MGA: variants seen among roughly 807,000 people sequenced by gnomAD.
MGA encodes the protein MAX dimerization protein MGA, also known as MAX gene-associated protein.
In MGA, 40 loss-of-function variants were observed where a neutral mutation model predicts 261.1. That is an observed-to-expected ratio of 0.15 (90% CI 0.12 to 0.20). MGA has a LOEUF of 0.20. MGA is among the 10% of genes least tolerant of loss of function. The pLI is 1.00. For missense variants in MGA, 3,397 were observed against 3,630.5 expected, an observed-to-expected ratio of 0.94 and a Z score of 1.65; for synonymous variants, 1,302 against 1,290.6, an observed-to-expected ratio of 1.01 and a Z score of -0.19.
rs1289551968 is a variant in MGA, at chr15:41,764,815, A to T, written c.7745-71A>T. On this transcript the variant is annotated intron_variant, in intron 22 of 23. Transcript: ENST00000219905. ...TGCCTCAGCCTCCCAAAGTGCTGGGATTACAGGCATGAGCCACCACACCCA... is the reference window on the plus strand; with the variant it reads ...TGCCTCAGCCTCCCAAAGTGCTGGGTTTACAGGCATGAGCCACCACACCCA... The T allele has an allele frequency of 3.3e-6, 5 of 1,495,452 alleles. No homozygotes were observed. In the East Asian group the frequency reaches 9.2e-5, roughly 27 times the overall value. 92.6% of individuals were successfully genotyped at this position (1,495,452 alleles called of 1,614,324 possible).
At chr15:41,720,766 G>C (rs1435766627) in intron 9 of MGA, among the ~76,000 whole-genome samples, 1 of 152,144 alleles carries the variant, frequency 6.6e-6, no homozygotes, top group Non-Finnish European at 1.5e-5. Flanking sequence ...CCGGGAAGCT[G>C]AGGTTGCAGT....
chr15:41,761,640 C>T, intron 20 of MGA, 99 bp from the exon 21 acceptor site: 1 of 607,628 alleles, frequency 1.6e-6, no homozygotes. Context: ...CTTAAGATGT[C>T]AGATTAAGTT....
chr15:41,707,661 A>G, intron 5 of MGA, 67 bp from the exon 6 acceptor site: 2 of 1,453,468 alleles, frequency 1.4e-6, no homozygotes, highest in Non-Finnish European at 1.9e-6. Context: ...ACAAGTTAAA[A>G]ACAAAGAAGG....
At chr15:41,658,171 T>C (rs1190633803), upstream of MGA, among the ~76,000 whole-genome samples, 2 of 152,164 alleles carry the variant, frequency 1.3e-5, no homozygotes, top group East Asian at 3.8e-4. Flanking sequence ...CCCCTTAATA[T>C]TCAGAAAAAT....
rs982827524 is a variant in MGA at position 41,769,154 on chromosome 15, T to G, written c.*1874T>G. ...GTACTTTAATCCAGGTATAGCAGTT[T>G]CCCGTTATTTTCTTGCTTGTCGTTC... is the stretch of plus-strand genomic sequence containing the variant. On this transcript the variant is annotated 3_prime_UTR_variant, in exon 24 of 24. Coordinates refer to ENST00000219905, the MANE Select transcript of MGA (RefSeq NM_001164273.2). The G allele has an allele frequency of 4.6e-5, 7 of 152,656 alleles. No homozygotes were observed. Among genetic ancestry groups the G allele is most frequent in the African/African-American group, 1.7e-4 (7 of 41,438 alleles). The allele number at this position is 152,656 out of a possible 1,614,324, so 9.5% of individuals were successfully genotyped here. A position where few individuals can be genotyped will look rare whatever the true frequency, so the allele number is the denominator to read the frequency against.
At chr15:41,627,052 G>A (rs1387281867) in intron 1 of MGA, among the ~76,000 whole-genome samples, 4 of 151,978 alleles carry the variant, frequency 2.6e-5, no homozygotes, top group African/African-American at 4.8e-5. Context: ...GATTACAGGC[G>A]TGCACCACCA....
At position 41,762,310 on chromosome 15, in the gene MGA, TAAC is replaced by T; in HGVS notation, c.7694_7696del (p.Asn2565del). On this transcript the variant is annotated inframe_deletion, in exon 22 of 24. Transcript: ENST00000219905. ...TAGATCTTGGACAGATGTTTATAAA[TAAC>T]AGGAGGGGGAAACCTTTGATTCTTT... 6.2e-7 allele frequency: 1 copy of T among 1,613,744 alleles called. No homozygotes were observed. The highest frequency in any genetic ancestry group is 8.5e-7 in the Non-Finnish European group (1 of 1,179,842).
chr15:41,638,036 T>C (rs1453404733), intron 1 of MGA, among the ~76,000 whole-genome samples: 2 of 126,128 alleles, frequency 1.6e-5, no homozygotes, highest in South Asian at 5.9e-4. Flanking sequence ...GCCCAGCTTT[T>C]TTTTTTTTTT....
In MGA at chr15:41,739,707, G is replaced by A. The variant is rs544341596; in HGVS notation, c.4435-346G>A. 1.6e-4 allele frequency among the ~76,000 whole-genome samples: 25 copies of A among 152,308 alleles called. 1 individual carries two copies. The South Asian group carries it at 5.2e-3, about 32-fold the overall frequency. The stretch of plus-strand genomic sequence containing the variant: ...CTACAATATGAAGGAGATGAGATTA[G>A]TTCAGAATATCAGTTGACAGCATTT... On this transcript the variant is annotated intron_variant, in intron 13 of 23. Transcript: ENST00000219905.
At chr15:41,635,406 A>AACAC (rs1040889576) in intron 1 of MGA, among the ~76,000 whole-genome samples, 12 of 79,430 alleles carry the variant, frequency 1.5e-4, no homozygotes, top group African/African-American at 3.0e-4. Flanking sequence ...ACCAAACACA[A>AACAC]ACACACACAC....
chr15:41,767,373 T>C lies in MGA; in HGVS notation c.*93T>C, dbSNP rs1012723897. On this transcript the variant is annotated 3_prime_UTR_variant, in exon 24 of 24. Coordinates refer to ENST00000219905, the MANE Select transcript of MGA (RefSeq NM_001164273.2). The stretch of plus-strand genomic sequence containing the variant: ...CATCTGTTTGTTTGTGTCTTAGAAC[T>C]TGGATCCTTGACTTCAATGATGCAG... 1.5e-6 allele frequency: 2 copies of C among 1,353,958 alleles called. No individual in the cohort carries two copies. The highest frequency in any genetic ancestry group is 2.9e-5 in the African/African-American group (2 of 68,890). 83.9% of individuals were successfully genotyped at this position (1,353,958 alleles called of 1,614,324 possible).
At chr15:41,630,616 CAGTT>C (rs1318312482) in intron 1 of MGA, among the ~76,000 whole-genome samples, 2 of 152,216 alleles carry the variant, frequency 1.3e-5, no homozygotes, top group Admixed American at 6.5e-5. Flanking sequence ...AGTGAAATGT[CAGTT>C]AGAAGTCTTA....
chr15:41,715,679 T>C (rs1439770812), intron 9 of MGA, among the ~76,000 whole-genome samples: 1 of 152,196 alleles, frequency 6.6e-6, no homozygotes, highest in Non-Finnish European at 1.5e-5. Context: ...AATATATTAA[T>C]GACTGGATCT....
intron 1 of MGA, among the ~76,000 whole-genome samples, chr15:41,624,099 C>T (rs1233939456): frequency 6.7e-6 from 1 of 148,522 alleles, no homozygotes; most frequent in African/African-American, 2.5e-5. Context: ...GGGTCTCACT[C>T]TGTGGCCCAG....
chr15:41,697,826 C>T (rs1265921660), intron 3 of MGA, among the ~76,000 whole-genome samples: 1 of 152,136 alleles, frequency 6.6e-6, no homozygotes, highest in African/African-American at 2.4e-5. Context: ...TCTGACTCTT[C>T]AACCAGATTA....
At chr15:41,641,997 T>C (rs1382903196) in intron 1 of MGA, among the ~76,000 whole-genome samples, 1 of 152,026 alleles carries the variant, frequency 6.6e-6, no homozygotes, top group Non-Finnish European at 1.5e-5. Context: ...AGTCCCACTT[T>C]GTTGCCCAGA....
chr15:41,629,498 G>T (rs962299222), intron 1 of MGA, among the ~76,000 whole-genome samples: 8 of 151,992 alleles, frequency 5.3e-5, no homozygotes, highest in African/African-American at 1.9e-4. Context: ...GGATGTCATC[G>T]ATACATTGAT....
intron 15 of MGA, among the ~76,000 whole-genome samples, chr15:41,745,619 G>GAGAC: frequency 6.6e-6 from 1 of 152,066 alleles, no homozygotes. Flanking sequence ...TATATAGAGA[G>GAGAC]AGACAGACAG....
At chr15:41,754,658 A>C (rs2063042255) in intron 18 of MGA, 91 bp downstream of exon 18, 276 of 1,346,576 alleles carry the variant, frequency 2.0e-4, no homozygotes, top group East Asian at 2.4e-4. Flanking sequence ...TGGGTAACTC[A>C]TCTGGTTCCT....
Sources: gnomAD v4.1 joint callset for allele counts (sites outside exome capture counted in the v4.1 genomes callset) on GRCh38, gnomAD v4.1.1 for gene constraint, MANE v1.5 for transcripts, NCBI Gene and HGNC (gene_info 2026-07-23, HGNC 2026-07-21) for gene names.